The following EHD1 variants were observed in gnomAD, a reference collection of about 807,000 sequenced individuals.
EHD1 encodes the protein EH domain-containing protein 1.
Under a neutral mutation model 39.0 loss-of-function variants are expected in EHD1, and 19 were observed. The ratio of observed to expected loss-of-function variants is 0.49; its 90% CI spans 0.34 to 0.72. The LOEUF is 0.72. Among genes scored for constraint, EHD1 ranks in the 30% least tolerant of loss-of-function variants. The pLI is 0.01. For missense variants in EHD1, 542 were observed against 751.5 expected (o/e 0.72, Z 3.26); for synonymous variants, 323 against 331.2 (o/e 0.98, Z 0.27).
rs77671776 is a variant in EHD1, at chr11:64,853,744, C to T, written c.*589G>A. 2,230 of 156,946 alleles carry T rather than the reference C, an allele frequency of 0.014. 48 individuals are homozygous for T. The highest frequency in any genetic ancestry group is 0.05 in the African/African-American group (2,074 of 41,572). The allele number at this position is 156,946 out of a possible 1,614,324, so 9.7% of individuals were successfully genotyped here. ...CTTCTGTGACTGCTGAGCGGGGTTG[C>T]GCGTCGGAGCCGGTGGGGCGCGGGA... On this transcript the variant is annotated 3_prime_UTR_variant, in exon 5 of 5. Coordinates refer to ENST00000320631, the MANE Select transcript of EHD1 (RefSeq NM_006795.4).
rs1156831650 is a variant in EHD1, at chr11:64,853,279, G to A, written c.*1054C>T. On this transcript the variant is annotated 3_prime_UTR_variant, in exon 5 of 5. Transcript: ENST00000320631. ...GCTGGGTTTTCCCCTGGTCCCCGCT[G>A]TCTGGACATGAGAGCCTAGCCAGAA... 6.6e-6 allele frequency: 1 copy of A among 152,334 alleles called. No homozygotes were observed. The highest frequency in any genetic ancestry group is 1.5e-5 in the Non-Finnish European group (1 of 68,104). 9.4% of individuals were successfully genotyped at this position (152,334 alleles called of 1,614,324 possible).
chr11:64,859,808 T>C (rs971926855), intron 3 of EHD1, 116 bp downstream of exon 3: 9 of 1,384,954 alleles, frequency 6.5e-6, no homozygotes, highest in Non-Finnish European at 8.6e-6. Context: ...GCAGTGCAGG[T>C]CTGCCTGTGA....
At chr11:64,870,066 T>C (rs560349924) in intron 2 of EHD1, among the ~76,000 whole-genome samples, 24 of 152,278 alleles carry the variant, frequency 1.6e-4, no homozygotes, top group African/African-American at 5.5e-4. Flanking sequence ...CAAGGGATCA[T>C]TTATGGCTGG....
At position 64,854,161 on chromosome 11, in the gene EHD1, C is replaced by A; in HGVS notation, c.*172G>T. On this transcript the variant is annotated 3_prime_UTR_variant, in exon 5 of 5. Transcript: ENST00000320631. ...CAATTCCATCCTCTCACCCCTGCCT[C>A]CCCCGCCAGGCCCAGGAACAGCCTT... The A allele has an allele frequency of 8.7e-7, 1 of 1,146,174 alleles. No homozygotes were observed. The highest frequency in any genetic ancestry group is 2.6e-5 in the East Asian group (1 of 38,592). 71.0% of individuals were successfully genotyped at this position (1,146,174 alleles called of 1,614,324 possible).
intron 2 of EHD1, among the ~76,000 whole-genome samples, chr11:64,862,161 C>T (rs558123363): frequency 5.3e-5 from 8 of 152,186 alleles, no homozygotes; most frequent in Non-Finnish European, 1.0e-4. Context: ...CCCGCCTTGG[C>T]CTCCCAAAGT....
chr11:64,877,723 G>A (rs1465155049), intron 1 of EHD1: 2 of 278,532 alleles, frequency 7.2e-6, no homozygotes, highest in African/African-American at 2.2e-5. Context: ...CGGGACGGAG[G>A]TGGAGACCAA....
chr11:64,869,891 G>A (rs922861653), intron 2 of EHD1, among the ~76,000 whole-genome samples: 3 of 152,178 alleles, frequency 2.0e-5, no homozygotes, highest in African/African-American at 4.8e-5. Context: ...GGCCCACGGC[G>A]CAGGCCTGCC....
intron 2 of EHD1, among the ~76,000 whole-genome samples, chr11:64,870,727 G>A (rs1034517002): frequency 1.7e-4 from 26 of 152,180 alleles, no homozygotes; most frequent in Admixed American, 6.5e-5. Context: ...CCGGGACCAC[G>A]CAACTGGTCG....
chr11:64,879,433 G>A (rs944053516), upstream of EHD1, among the ~76,000 whole-genome samples: 5 of 152,208 alleles, frequency 3.3e-5, no homozygotes, highest in African/African-American at 1.2e-4. Context: ...CTGGCCACTT[G>A]CGTATTGGGA....
rs1027550356 is a variant in EHD1 at position 64,853,605 on chromosome 11, G to A, written c.*728C>T. 6.5e-6 allele frequency: 1 copy of A among 152,714 alleles called. No individual in the cohort carries two copies. The highest frequency in any genetic ancestry group is 2.4e-5 in the African/African-American group (1 of 41,472). The allele number at this position is 152,714 out of a possible 1,614,324, so 9.5% of individuals were successfully genotyped here. On this transcript the variant is annotated 3_prime_UTR_variant, in exon 5 of 5. Transcript: ENST00000320631. ...GGTTGGGAAGTTATTGGGAACTTTG[G>A]TCAAGTATGAAAGATATCACTTTAC...
chr11:64,879,094 G>A, upstream of EHD1: 1 of 998,938 alleles, frequency 1.0e-6, no homozygotes, highest in Non-Finnish European at 1.2e-6. Context: ...CCCAGGCGGC[G>A]GCACCTCCTC....
In EHD1 at chr11:64,872,595, C is replaced by CT. The variant is rs35705383; in HGVS notation, c.502+1825dup. Among the ~76,000 whole-genome samples the CT allele has an allele frequency of 4.9e-3, 716 of 145,798 alleles. 2 individuals carry two copies. The highest frequency in any genetic ancestry group is 7.5e-3 in the Non-Finnish European group (493 of 65,826). On this transcript the variant is annotated intron_variant, in intron 2 of 4. Transcript: ENST00000320631. ...TAAGAAATAAAAATACTAGCCCTCGCTTTTTTTTTTTTTTAAAGGGGTCTC... is the reference window on the plus strand; with the variant it reads ...TAAGAAATAAAAATACTAGCCCTCGCTTTTTTTTTTTTTTTAAAGGGGTCTC...
chr11:64,865,064 T>C (rs1217768156), intron 2 of EHD1, among the ~76,000 whole-genome samples: 2 of 152,228 alleles, frequency 1.3e-5, no homozygotes, highest in African/African-American at 4.8e-5. Flanking sequence ...GTAAGCCCAT[T>C]TCTTTGCAGG....
At chr11:64,878,018 G>A in intron 1 of EHD1, 43 bp downstream of exon 1, 2 of 1,479,334 alleles carry the variant, frequency 1.4e-6, no homozygotes, top group East Asian at 2.4e-5. Context: ...TGAGGGGTGT[G>A]CCCCGGACGC....
At chr11:64,875,159 GA>G (rs1341960755) in intron 1 of EHD1, among the ~76,000 whole-genome samples, 2 of 152,222 alleles carry the variant, frequency 1.3e-5, no homozygotes, top group African/African-American at 4.8e-5. Flanking sequence ...ACGCATATCT[GA>G]GTTTCACACT....
intron 2 of EHD1, among the ~76,000 whole-genome samples, chr11:64,864,684 C>G (rs74527457): frequency 0.015 from 2,219 of 152,334 alleles, 47 homozygotes; most frequent in African/African-American, 0.05. Flanking sequence ...CTCCCCTTGT[C>G]AAATCATTTG....
At position 64,868,503 on chromosome 11, in the gene EHD1, CG is replaced by C. The variant is rs1329096867; in HGVS notation, c.502+5917del. ...GACAAGGACCCCCAACAAAGAGGAG[CG>C]GGCCACAGGGGCTCTCAAACACACA... On this transcript the variant is annotated intron_variant, in intron 2 of 4. Coordinates refer to ENST00000320631, the MANE Select transcript of EHD1 (RefSeq NM_006795.4). The surrounding 1 kb of genome is among the most constrained non-coding windows in gnomAD (Gnocchi z 4.2). Among the ~76,000 whole-genome samples, 1 of 152,216 alleles carries C rather than the reference CG, an allele frequency of 6.6e-6. No homozygotes were observed. Among genetic ancestry groups the C allele is most frequent in the African/African-American group, 2.4e-5 (1 of 41,454 alleles).
At position 64,867,850 on chromosome 11, in the gene EHD1, G is replaced by A. The variant is rs141462472; in HGVS notation, c.502+6571C>T. On this transcript the variant is annotated intron_variant, in intron 2 of 4. Transcript: ENST00000320631. Reference sequence around the variant, plus strand: ...TGGGATGAAAGAACAGAGTGGCTCCGGGCAACCAGGCTGAGCCAGGCATGG... The same window carrying A: ...TGGGATGAAAGAACAGAGTGGCTCCAGGCAACCAGGCTGAGCCAGGCATGG... 4.7e-4 allele frequency among the ~76,000 whole-genome samples: 71 copies of A among 152,364 alleles called. No individual in the cohort carries two copies. In the East Asian group the frequency reaches 0.011, roughly 24 times the overall value.
At chr11:64,859,680 G>C (rs1373757060) in intron 3 of EHD1, 2 of 538,066 alleles carry the variant, frequency 3.7e-6, no homozygotes, top group East Asian at 6.1e-5. Flanking sequence ...CCTGAAAGTA[G>C]ATGGGGTATA....
Sources: allele counts gnomAD v4.1 joint callset (sites outside exome capture counted in the v4.1 genomes callset), GRCh38; gene constraint gnomAD v4.1.1; non-coding constraint Gnocchi (gnomAD v3.1); transcripts MANE v1.5; gene names NCBI Gene and HGNC (gene_info 2026-07-23, HGNC 2026-07-21).